Variants in NPLOC4 observed in about 807,000 individuals in gnomAD.
NPLOC4 encodes the protein NPL4 homolog, ubiquitin recognition factor.
In NPLOC4, 18 loss-of-function variants were observed where a neutral mutation model predicts 80.6. That is an observed-to-expected ratio of 0.22 (90% CI 0.15 to 0.33). The LOEUF (loss-of-function observed/expected upper bound fraction) is 0.33, where lower values mean the gene tolerates loss of function less well. Ranked by LOEUF, NPLOC4 falls within the 10% of genes least tolerant of loss-of-function variation. NPLOC4 has a pLI of 1.00. For missense variants in NPLOC4, 540 were observed against 786.1 expected (o/e 0.69, Z 3.74); for synonymous variants, 313 against 301.5 (o/e 1.04, Z -0.39).
intron 9 of NPLOC4, among the ~76,000 whole-genome samples, chr17:81,598,439 G>A (rs1431743936): frequency 6.6e-6 from 1 of 152,190 alleles, no homozygotes; most frequent in African/African-American, 2.4e-5. Context: ...CAACAAGCAA[G>A]CAAATAAACA....
chr17:81,619,585 A>T (rs1218457419), intron 3 of NPLOC4, among the ~76,000 whole-genome samples: 1 of 151,150 alleles, frequency 6.6e-6, no homozygotes, highest in East Asian at 1.9e-4. Context: ...AAAGAAAAGA[A>T]AAAAGGCGGG....
intron 3 of NPLOC4, among the ~76,000 whole-genome samples, 167 bp downstream of exon 3, chr17:81,621,999 T>C (rs1029656684): frequency 2.0e-5 from 3 of 152,228 alleles, no homozygotes; most frequent in Non-Finnish European, 4.4e-5. Context: ...AGATTCAGGA[T>C]AATTACTGAA....
At position 81,577,982 on chromosome 17, in the gene NPLOC4, C is replaced by T. The variant is rs1243374685; in HGVS notation, c.1282-5894G>A. Reference sequence around the variant, plus strand: ...TTCTACAGCGGGGACCTCCCCTGCCCACCCCATCCGGCTGTCAGCACCTGT... The same window carrying T: ...TTCTACAGCGGGGACCTCCCCTGCCTACCCCATCCGGCTGTCAGCACCTGT... On this transcript the variant is annotated intron_variant, in intron 12 of 16. Coordinates refer to ENST00000331134, the MANE Select transcript of NPLOC4 (RefSeq NM_017921.4). The surrounding 1 kb of genome is among the most constrained non-coding windows in gnomAD (Gnocchi z 4.3). Among the ~76,000 whole-genome samples the T allele has an allele frequency of 1.3e-5, 2 of 152,340 alleles. No homozygotes were observed. Among genetic ancestry groups the T allele is most frequent in the Non-Finnish European group, 2.9e-5 (2 of 68,036 alleles).
At chr17:81,599,611 T>C (rs1406598424) in intron 9 of NPLOC4, among the ~76,000 whole-genome samples, 1 of 152,186 alleles carries the variant, frequency 6.6e-6, no homozygotes, top group African/African-American at 2.4e-5. Context: ...GAGATTATTT[T>C]TCATGGTCTG....
intron 8 of NPLOC4, among the ~76,000 whole-genome samples, chr17:81,603,106 A>G (rs1372815479): frequency 6.6e-6 from 1 of 151,584 alleles, no homozygotes; most frequent in East Asian, 1.9e-4. Context: ...GAGGGCTGCA[A>G]TTGAGGCTGC....
chr17:81,629,596 G>C (rs2035880790), intron 2 of NPLOC4, 129 bp downstream of exon 2: 5 of 698,362 alleles, frequency 7.2e-6, no homozygotes, highest in South Asian at 6.8e-5. Flanking sequence ...CTGTGATAGA[G>C]AAAGGCAATG....
intron 11 of NPLOC4, among the ~76,000 whole-genome samples, chr17:81,593,036 T>A (rs7406829): frequency 0.16 from 23,749 of 152,046 alleles, 2,299 homozygotes; most frequent in African/African-American, 0.24. Flanking sequence ...AATAAAATAG[T>A]CATTAAAACC....
intron 11 of NPLOC4, among the ~76,000 whole-genome samples, chr17:81,594,651 T>C (rs2034847082): frequency 6.6e-6 from 1 of 151,884 alleles, no homozygotes; most frequent in African/African-American, 2.4e-5. Flanking sequence ...GGCAGGCTCC[T>C]ATAGTCCCAG....
intron 16 of NPLOC4, among the ~76,000 whole-genome samples, chr17:81,559,638 G>A (rs541985126): frequency 6.6e-5 from 10 of 152,058 alleles, no homozygotes; most frequent in African/African-American, 2.2e-4. Context: ...CAGGGAGCCT[G>A]TGCTTGCTGG....
rs776606677 is a variant in NPLOC4, at chr17:81,606,706, G to A, written c.639C>T (p.Ile213=). Residue 213 remains isoleucine, a synonymous_variant, in exon 7 of 17, where the codon ATC becomes ATT. Coordinates refer to ENST00000331134, the MANE Select transcript of NPLOC4 (RefSeq NM_017921.4). ...AACATCTCACCTGTCTGTTCAGCGT[G>A]ATGGCGCTCGGCTGGCACTTAGTAC... The part of the protein sequence containing the change: ...GICTKCQPSA[I]TLNRQKYRHV... 1.9e-6 allele frequency: 3 copies of A among 1,613,518 alleles called. No homozygotes were observed. The highest frequency in any genetic ancestry group is 2.5e-6 in the Non-Finnish European group (3 of 1,179,724).
chr17:81,599,293 AAAAAT>A (rs1185185398), intron 9 of NPLOC4, among the ~76,000 whole-genome samples: 4 of 151,852 alleles, frequency 2.6e-5, no homozygotes, highest in Non-Finnish European at 5.9e-5. Context: ...CTCAAAAAAA[AAAAAT>A]AAAATAAAAT....
Position 81,567,369 on chromosome 17 carries a change from G to T in NPLOC4, c.1566+48C>A. The T allele has an allele frequency of 8.6e-7, 1 of 1,157,070 alleles. No homozygotes were observed. The highest frequency in any genetic ancestry group is 1.3e-6 in the Non-Finnish European group (1 of 775,246). The allele number at this position is 1,157,070 out of a possible 1,614,324, so 71.7% of individuals were successfully genotyped here. On this transcript the variant is annotated intron_variant, in intron 15 of 16. Transcript: ENST00000331134. This position sits in a 1 kb window ranked among gnomAD's most constrained non-coding sequence, Gnocchi z 4.5. ...GAAAGCAAGACACAGGCGTCTCTTT[G>T]CAGCCAAAGCCCACTTGCTCAAGTG...
chr17:81,588,975 C>T lies in NPLOC4; in HGVS notation c.1250G>A (p.Ser417Asn). ...PELGYAKESS[S>N]EQYVPDVFYK... ...AAACACATCAGGCACGTACTGCTCACTGCTAGACTCCTTGGCGTAGCCAAG... is the reference window on the plus strand; with the variant it reads ...AAACACATCAGGCACGTACTGCTCATTGCTAGACTCCTTGGCGTAGCCAAG... Residue 417 changes from serine to asparagine, a missense_variant, in exon 12 of 17, where the codon AGT becomes AAT. Physicochemically the swap from Ser to Asn is conservative, Grantham distance 46. Coordinates refer to ENST00000331134, the MANE Select transcript of NPLOC4 (RefSeq NM_017921.4). The T allele has an allele frequency of 1.9e-6, 3 of 1,614,054 alleles. No individual in the cohort carries two copies. The highest frequency in any genetic ancestry group is 2.5e-6 in the Non-Finnish European group (3 of 1,179,886).
intron 16 of NPLOC4, chr17:81,563,845 A>T: frequency 2.3e-6 from 1 of 442,362 alleles, no homozygotes; most frequent in South Asian, 1.6e-5. Flanking sequence ...TTCTAAGCAA[A>T]CTAATGCAGG....
intron 11 of NPLOC4, among the ~76,000 whole-genome samples, chr17:81,593,607 A>G (rs2034808258): frequency 6.6e-6 from 1 of 151,986 alleles, no homozygotes; most frequent in Non-Finnish European, 1.5e-5. Flanking sequence ...ACAGGAGTTG[A>G]GTCTGATAGG....
intron 2 of NPLOC4, among the ~76,000 whole-genome samples, chr17:81,624,043 G>C (rs1027881702): frequency 2.0e-5 from 3 of 151,908 alleles, no homozygotes; most frequent in South Asian, 2.1e-4. Flanking sequence ...CCAGCACTTC[G>C]GGAGGCCAAG....
intron 12 of NPLOC4, among the ~76,000 whole-genome samples, chr17:81,587,459 G>C (rs2034612005): frequency 6.6e-6 from 1 of 151,306 alleles, no homozygotes; most frequent in African/African-American, 2.4e-5. Flanking sequence ...GGAACTACAG[G>C]CGCCTGCCAC....
chr17:81,635,888 T>C (rs1364577367), intron 1 of NPLOC4, among the ~76,000 whole-genome samples: 3 of 151,766 alleles, frequency 2.0e-5, no homozygotes, highest in African/African-American at 7.3e-5. Flanking sequence ...CATTTACTTT[T>C]GGGAAGAAAC....
In NPLOC4 at chr17:81,573,931, C is replaced by T. The variant is rs140585878; in HGVS notation, c.1282-1843G>A. 8.1e-3 allele frequency among the ~76,000 whole-genome samples: 1,230 copies of T among 152,344 alleles called. 8 individuals are homozygous for T. The highest frequency in any genetic ancestry group is 0.027 in the Middle Eastern group (8 of 294). On this transcript the variant is annotated intron_variant, in intron 12 of 16. Coordinates refer to ENST00000331134, the MANE Select transcript of NPLOC4 (RefSeq NM_017921.4). Reference sequence around the variant, plus strand: ...GTGAGGGTCGTGTGTCCTCCTTCCACGTGACGAGTGGCTGCCAGTCAGGAT... The same window carrying T: ...GTGAGGGTCGTGTGTCCTCCTTCCATGTGACGAGTGGCTGCCAGTCAGGAT...
Sources: allele counts gnomAD v4.1 joint callset (sites outside exome capture counted in the v4.1 genomes callset), GRCh38; gene constraint gnomAD v4.1.1; non-coding constraint Gnocchi (gnomAD v3.1); transcripts MANE v1.5; gene names NCBI Gene and HGNC (gene_info 2026-07-23, HGNC 2026-07-21).